The following FGD4 variants were observed in gnomAD, a reference collection of about 807,000 sequenced individuals.
The protein encoded by FGD4 is FYVE, RhoGEF and PH domain containing 4.
FGD4 carries 42 observed loss-of-function variants against 102.0 expected under a neutral mutation model. The observed-to-expected ratio is 0.41, with a 90% confidence interval of 0.32 to 0.53. The LOEUF is 0.53. FGD4 is among the 20% of genes least tolerant of loss of function. The pLI is 0.21. For synonymous variants in FGD4, 380 were observed against 375.7 expected, an observed-to-expected ratio of 1.01 and a Z score of -0.13; for missense variants, 902 against 1,078.2, an observed-to-expected ratio of 0.84 and a Z score of 2.29.
At chr12:32,595,110 TGAA>T (rs1164250228) in intron 4 of FGD4, among the ~76,000 whole-genome samples, 1 of 151,976 alleles carries the variant, frequency 6.6e-6, no homozygotes. Flanking sequence ...CCTGTGAATA[TGAA>T]GGACAGCATA....
chr12:32,468,566 G>T (rs995694306), intron 1 of FGD4, among the ~76,000 whole-genome samples: 45 of 152,000 alleles, frequency 3.0e-4, no homozygotes, highest in Non-Finnish European at 7.4e-5. Flanking sequence ...TATAAAAGTC[G>T]TGTGCTTACT....
chr12:32,563,868 G>GCGCGGGCATGTAAT (rs1944934202), intron 1 of FGD4, among the ~76,000 whole-genome samples: 3 of 152,130 alleles, frequency 2.0e-5, no homozygotes, highest in Admixed American at 2.0e-4. Context: ...AGGCATGGCG[G>GCGCGGGCATGTAAT]CGCGGGCATG....
intron 9 of FGD4, 112 bp downstream of exon 9, chr12:32,610,946 G>T: frequency 2.3e-6 from 3 of 1,300,064 alleles, no homozygotes; most frequent in South Asian, 2.5e-5. Flanking sequence ...GAGCCAAAAA[G>T]AATGTTTATG....
At chr12:32,592,784 T>G (rs1015549182) in intron 4 of FGD4, among the ~76,000 whole-genome samples, 1 of 152,220 alleles carries the variant, frequency 6.6e-6, no homozygotes, top group Non-Finnish European at 1.5e-5. Flanking sequence ...ATATTATTAC[T>G]TCAAAATGAC....
rs1943112083 is a variant in FGD4, at chr12:32,544,821, T to C, written c.167-19316T>C. ...TGAAAATTATGGAATTCATTTCATA[T>C]AGCTTCCACTATAAATACTATTTTG... On this transcript the variant is annotated intron_variant, in intron 1 of 16. Transcript: ENST00000534526. This position sits in a 1 kb window ranked among gnomAD's most constrained non-coding sequence, Gnocchi z 4.1. Among the ~76,000 whole-genome samples, 1 of 152,228 alleles carries C rather than the reference T, an allele frequency of 6.6e-6. No individual in the cohort carries two copies. The highest frequency in any genetic ancestry group is 2.4e-5 in the African/African-American group (1 of 41,458).
intron 1 of FGD4, among the ~76,000 whole-genome samples, chr12:32,562,549 G>A (rs985267288): frequency 3.3e-5 from 5 of 152,194 alleles, no homozygotes; most frequent in African/African-American, 4.8e-5. Context: ...CCTAGGCAGA[G>A]GACCCTGCGG....
chr12:32,619,922 A>G, intron 11 of FGD4, 52 bp downstream of exon 11: 1 of 1,594,780 alleles, frequency 6.3e-7, no homozygotes, highest in South Asian at 1.1e-5. Flanking sequence ...CAACAGAATG[A>G]ATCATTAAAA....
rs892290867 is a variant in FGD4 at position 32,472,410 on chromosome 12, G to A, written c.166+72451G>A. On this transcript the variant is annotated intron_variant, in intron 1 of 16. Coordinates refer to ENST00000534526, the MANE Select transcript of FGD4 (RefSeq NM_001370298.3). Reference sequence around the variant, plus strand: ...GCAGCCAGCCAGCCCTGCTGGCCCCGGGCAATGGGGGACTTAGCACCCGGG... The same window carrying A: ...GCAGCCAGCCAGCCCTGCTGGCCCCAGGCAATGGGGGACTTAGCACCCGGG... 5.0e-4 allele frequency among the ~76,000 whole-genome samples: 53 copies of A among 106,578 alleles called. 1 individual carries two copies. In the South Asian group the frequency reaches 9.1e-3, roughly 18 times the overall value. The allele number at this position is 106,578 out of a possible 152,430, so 69.9% of individuals were successfully genotyped here. A position where few individuals can be genotyped will look rare whatever the true frequency, so the allele number is the denominator to read the frequency against.
chr12:32,505,344 C>G (rs1439650439), intron 1 of FGD4, among the ~76,000 whole-genome samples: 1 of 152,164 alleles, frequency 6.6e-6, no homozygotes, highest in East Asian at 1.9e-4. Context: ...GGATGAGGAG[C>G]CTGGAAAGCA....
intron 1 of FGD4, among the ~76,000 whole-genome samples, chr12:32,473,300 A>C (rs1010769548): frequency 2.0e-5 from 3 of 151,872 alleles, no homozygotes; most frequent in African/African-American, 7.3e-5. Flanking sequence ...TCTTTGCAAT[A>C]ACTCTTGCTA....
intron 1 of FGD4, among the ~76,000 whole-genome samples, chr12:32,450,865 A>G (rs555351671): frequency 6.6e-6 from 1 of 152,252 alleles, no homozygotes; most frequent in Non-Finnish European, 1.5e-5. Context: ...TGGTTCCTTT[A>G]TCCCTAACTT....
In FGD4 at chr12:32,598,914, T is replaced by C. The variant is rs531135019; in HGVS notation, c.1101+328T>C. ...TTACCACTAAAATCTAAATAAGATA[T>C]TGATGATTCTAATGCTAAGATGGAT... On this transcript the variant is annotated intron_variant, in intron 5 of 16. Coordinates refer to ENST00000534526, the MANE Select transcript of FGD4 (RefSeq NM_001370298.3). Among the ~76,000 whole-genome samples the C allele has an allele frequency of 3.3e-5, 5 of 152,348 alleles. No homozygotes were observed. The South Asian group carries it at 6.2e-4, about 19-fold the overall frequency.
At chr12:32,411,249 CAT>C (rs1382744505) in intron 1 of FGD4, among the ~76,000 whole-genome samples, 3 of 151,668 alleles carry the variant, frequency 2.0e-5, no homozygotes, top group African/African-American at 7.3e-5. Context: ...ATTTTTAAAA[CAT>C]GTGGGTGGGA....
At chr12:32,538,991 T>C (rs776810955) in intron 1 of FGD4, among the ~76,000 whole-genome samples, 17 of 151,902 alleles carry the variant, frequency 1.1e-4, no homozygotes, top group Non-Finnish European at 2.2e-4. Flanking sequence ...GAGGTGGAGG[T>C]TGCAGTGAGC....
chr12:32,568,809 A>G (rs923314800), intron 2 of FGD4, among the ~76,000 whole-genome samples: 1 of 152,238 alleles, frequency 6.6e-6, no homozygotes, highest in Non-Finnish European at 1.5e-5. Flanking sequence ...AAAGAAGAGT[A>G]ATTGAAGACT....
At chr12:32,513,627 C>G (rs7974089) in intron 1 of FGD4, among the ~76,000 whole-genome samples, 37,399 of 151,992 alleles carry the variant, frequency 0.25, 5,351 homozygotes, top group Middle Eastern at 0.43. Context: ...CAAGGATGTA[C>G]AAGAGAGAAG....
intron 1 of FGD4, among the ~76,000 whole-genome samples, chr12:32,418,273 T>C (rs1223628599): frequency 6.6e-6 from 1 of 152,134 alleles, no homozygotes; most frequent in African/African-American, 2.4e-5. Context: ...CTTAGTTCTT[T>C]GGGCGAGGTC....
chr12:32,576,169 T>C lies in FGD4; in HGVS notation c.320-97T>C, dbSNP rs148493497. On this transcript the variant is annotated intron_variant, in intron 2 of 16. Transcript: ENST00000534526. ...GACACCTGCCCCCTTTACAATAATT[T>C]TATAATGCTGAATATTTTTGCACCC... The C allele has an allele frequency of 1.6e-3, 2,073 of 1,264,412 alleles. 8 individuals carry two copies. In the Middle Eastern group the frequency reaches 0.023, roughly 14 times the overall value. 78.3% of individuals were successfully genotyped at this position (1,264,412 alleles called of 1,614,324 possible).
Position 32,640,234 on chromosome 12 carries a change from G to A in FGD4, c.2455-42G>A, listed in dbSNP as rs371726396. ...GGAGCAAGGGACACACTTAACAAGC[G>A]AATACATCACCTGCTTTTAATGTCT... On this transcript the variant is annotated intron_variant, in intron 16 of 16. Transcript: ENST00000534526. 166 of 1,613,966 alleles carry A rather than the reference G, an allele frequency of 1.0e-4. 2 individuals carry two copies. Among genetic ancestry groups the A allele is most frequent in the South Asian group, 3.4e-4 (31 of 91,024 alleles).
Sources: allele counts gnomAD v4.1 joint callset (sites outside exome capture counted in the v4.1 genomes callset), GRCh38; gene constraint gnomAD v4.1.1; non-coding constraint Gnocchi (gnomAD v3.1); transcripts MANE v1.5; gene names NCBI Gene and HGNC (gene_info 2026-07-23, HGNC 2026-07-21).